FABP3: variants seen among roughly 807,000 people sequenced by gnomAD.
FABP3 encodes fatty acid-binding protein, heart.
A neutral mutation model predicts 13.4 loss-of-function variants in FABP3; 8 were observed. The observed-to-expected ratio is 0.60, with a 90% CI of 0.35 to 1.07. The LOEUF (loss-of-function observed/expected upper bound fraction) is 1.07, where lower values mean the gene tolerates loss of function less well. Ranked by LOEUF, FABP3 falls within the 50% of genes least tolerant of loss-of-function variation. The pLI, the probability that FABP3 is intolerant of heterozygous loss-of-function variation, is 0.02. For missense variants in FABP3, 135 were observed against 164.7 expected (o/e 0.82, Z 0.99); for synonymous variants, 64 against 60.0 (o/e 1.07, Z -0.31).
intron 1 of FABP3, among the ~76,000 whole-genome samples, chr1:31,369,992 C>T (rs1409715907): frequency 1.3e-5 from 2 of 151,598 alleles, no homozygotes; most frequent in Middle Eastern, 3.4e-3. Context: ...GTAATCCCAG[C>T]TACTCAGGAG....
downstream of FABP3, among the ~76,000 whole-genome samples, chr1:31,361,266 C>T (rs553412410): frequency 1.3e-5 from 2 of 152,324 alleles, no homozygotes; most frequent in South Asian, 4.1e-4. Context: ...GTTATTTCAT[C>T]TTCTCTTAAA....
downstream of FABP3, among the ~76,000 whole-genome samples, chr1:31,361,770 T>C: frequency 6.6e-6 from 1 of 151,760 alleles, no homozygotes; most frequent in Middle Eastern, 3.2e-3. Flanking sequence ...GGTGTTTTTT[T>C]TGGGGAGAGG....
chr1:31,370,392 G>A (rs1640186896), intron 1 of FABP3, among the ~76,000 whole-genome samples: 1 of 152,214 alleles, frequency 6.6e-6, no homozygotes, highest in South Asian at 2.1e-4. Flanking sequence ...GCTGAGGAAA[G>A]AAGAGAAACA....
At chr1:31,364,826 A>T (rs1309545548), downstream of FABP3, 1 of 152,330 alleles carries the variant, frequency 6.6e-6, no homozygotes, top group African/African-American at 2.4e-5. Flanking sequence ...CCAGACAGCG[A>T]AGCCAAGATC....
chr1:31,359,911 A>C, the FABP3 span, among the ~76,000 whole-genome samples: 1 of 152,038 alleles, frequency 6.6e-6, no homozygotes, highest in Middle Eastern at 3.2e-3. Flanking sequence ...TTGAGAGAGC[A>C]GAAGCTTGGT....
intron 3 of FABP3, 144 bp from the exon 4 acceptor site, chr1:31,366,083 TG>T: frequency 1.6e-6 from 1 of 626,844 alleles, no homozygotes; most frequent in Non-Finnish European, 2.9e-6. Flanking sequence ...TGTGTGTGTG[TG>T]TGTGTGTGTG....
At chr1:31,367,840 C>T (rs1232645578) in intron 2 of FABP3, among the ~76,000 whole-genome samples, 1 of 152,206 alleles carries the variant, frequency 6.6e-6, no homozygotes, top group Non-Finnish European at 1.5e-5. Context: ...AGCCTGGTCC[C>T]CTCAGATACA....
the FABP3 span, among the ~76,000 whole-genome samples, chr1:31,359,847 A>G: frequency 2.6e-5 from 4 of 152,148 alleles, no homozygotes; most frequent in Admixed American, 2.6e-4. Flanking sequence ...ACTTGAATCC[A>G]TGTCATTTTT....
At chr1:31,366,509 C>T (rs549224624) in intron 3 of FABP3, among the ~76,000 whole-genome samples, 7 of 152,296 alleles carry the variant, frequency 4.6e-5, no homozygotes, top group Non-Finnish European at 1.0e-4. Context: ...AGCTAGGCAC[C>T]TCATTCCAAA....
At chr1:31,371,739 G>C (rs1333169348) in intron 1 of FABP3, among the ~76,000 whole-genome samples, 1 of 152,212 alleles carries the variant, frequency 6.6e-6, no homozygotes, top group Non-Finnish European at 1.5e-5. Context: ...CTGTGTTCGT[G>C]GGGGCTGGGG....
At chr1:31,364,211 G>C (rs971999515), downstream of FABP3, 1 of 1,603,130 alleles carries the variant, frequency 6.2e-7, no homozygotes, top group African/African-American at 1.4e-5. Context: ...AAGAGTGTAG[G>C]GGGTGGTTGA....
At position 31,369,526 on chromosome 1, in the gene FABP3, GC is replaced by G. The variant is rs1277041120; in HGVS notation, c.104del (p.Ser35ThrfsTer2). The stretch of plus-strand genomic sequence containing the variant: ...CGATGATTGTGGTAGGCTTGGTCAT[GC>G]TGGCCACCTGCCTGGTAGCAAAACC... ...GVGFATRQVA[S>X]MTKPTTIIEK... is the part of the protein sequence containing the mutation. On this transcript the variant is annotated frameshift_variant, in exon 2 of 4. Transcript: ENST00000373713. LOFTEE classifies it high-confidence loss of function. 6.2e-7 allele frequency: 1 copy of G among 1,614,180 alleles called. No homozygotes were observed. Among genetic ancestry groups the G allele is most frequent in the South Asian group, 1.1e-5 (1 of 91,076 alleles).
At chr1:31,364,328 C>T (rs1365834727), downstream of FABP3, 1 of 1,412,564 alleles carries the variant, frequency 7.1e-7, no homozygotes, top group African/African-American at 1.4e-5. Flanking sequence ...ATGGCTTCCC[C>T]TCATGCAACA....
downstream of FABP3, among the ~76,000 whole-genome samples, chr1:31,362,285 C>CT (rs1639936710): frequency 6.6e-6 from 1 of 152,200 alleles, no homozygotes; most frequent in Non-Finnish European, 1.5e-5. Context: ...CTTCTAAGAC[C>CT]TGGTGTATCA....
intron 1 of FABP3, 50 bp from the exon 2 acceptor site, chr1:31,369,607 G>A: frequency 1.3e-6 from 2 of 1,577,884 alleles, no homozygotes; most frequent in South Asian, 1.1e-5. Flanking sequence ...TAGAGAAGCA[G>A]TGTACAAGAA....
downstream of FABP3, chr1:31,364,566 G>A (rs959089303): frequency 5.8e-5 from 13 of 225,354 alleles, no homozygotes; most frequent in African/African-American, 2.5e-4. Flanking sequence ...GGTGAGTTCG[G>A]CTGTAGTTAG....
At chr1:31,371,956 T>A (rs1640216300) in intron 1 of FABP3, among the ~76,000 whole-genome samples, 1 of 152,216 alleles carries the variant, frequency 6.6e-6, no homozygotes, top group African/African-American at 2.4e-5. Context: ...GTTACAGATC[T>A]AGAAACCTTA....
chr1:31,373,059 T>C lies in FABP3; in HGVS notation c.-45A>G. 6.3e-7 allele frequency: 1 copy of C among 1,594,202 alleles called. No homozygotes were observed. Among genetic ancestry groups the C allele is most frequent in the Non-Finnish European group, 8.6e-7 (1 of 1,162,754 alleles). On this transcript the variant is annotated 5_prime_UTR_variant, in exon 1 of 4. Coordinates refer to ENST00000373713, the MANE Select transcript of FABP3 (RefSeq NM_004102.5). ...GAGAGAAGCTACAAGAGAGCAGGCG[T>C]GCAAGGGCTCCGACGGCGGCTCCCT...
At chr1:31,364,243 G>A (rs749918808), downstream of FABP3, 7 of 1,568,282 alleles carry the variant, frequency 4.5e-6, no homozygotes, top group African/African-American at 1.4e-5. Context: ...CAGGAGCCTT[G>A]TGCCTTGAGA....
Sources: allele counts gnomAD v4.1 joint callset (sites outside exome capture counted in the v4.1 genomes callset), GRCh38; gene constraint gnomAD v4.1.1; transcripts MANE v1.5; gene names NCBI Gene and HGNC (gene_info 2026-07-23, HGNC 2026-07-21).